PKP4: variants seen among roughly 807,000 people sequenced by gnomAD.
The protein encoded by PKP4 is plakophilin-4.
In PKP4, 90 loss-of-function variants were observed where a neutral mutation model predicts 145.1. The observed-to-expected ratio is 0.62, with a 90% confidence interval of 0.52 to 0.74. The LOEUF (loss-of-function observed/expected upper bound fraction) is 0.74, where lower values mean the gene tolerates loss of function less well. Ranked by LOEUF, PKP4 falls within the 30% of genes least tolerant of loss-of-function variation. The pLI is 0.00. For missense variants in PKP4, 1,340 were observed against 1,482.7 expected (o/e 0.90, Z 1.58); for synonymous variants, 563 against 577.2 (o/e 0.98, Z 0.35).
intron 2 of PKP4, among the ~76,000 whole-genome samples, chr2:158,541,391 T>C (rs1424127851): frequency 6.6e-6 from 1 of 152,134 alleles, no homozygotes; most frequent in Non-Finnish European, 1.5e-5. Flanking sequence ...CAGGCATTCC[T>C]AAGAAAGATC....
chr2:158,615,400 G>C (rs896182030), intron 4 of PKP4, among the ~76,000 whole-genome samples: 1 of 151,946 alleles, frequency 6.6e-6, no homozygotes, highest in African/African-American at 2.4e-5. Context: ...GGCAATTTAT[G>C]TCTTGTTCAT....
intron 3 of PKP4, among the ~76,000 whole-genome samples, chr2:158,602,116 T>C (rs979038569): frequency 6.6e-6 from 1 of 152,222 alleles, no homozygotes; most frequent in African/African-American, 2.4e-5. Flanking sequence ...CATTCATTTT[T>C]ATTTTTCTAG....
intron 7 of PKP4, among the ~76,000 whole-genome samples, chr2:158,626,875 G>A (rs2052849155): frequency 6.6e-6 from 1 of 152,106 alleles, no homozygotes; most frequent in African/African-American, 2.4e-5. Flanking sequence ...AGATAAGCTA[G>A]CACCTCGTAA....
At chr2:158,623,829 T>C (rs1401406804) in intron 6 of PKP4, among the ~76,000 whole-genome samples, 1 of 152,222 alleles carries the variant, frequency 6.6e-6, no homozygotes, top group Admixed American at 6.5e-5. Flanking sequence ...AGCCTGGTCC[T>C]AGTCTTCTAA....
intron 1 of PKP4, among the ~76,000 whole-genome samples, chr2:158,478,946 T>A (rs1004827450): frequency 5.3e-5 from 8 of 152,222 alleles, no homozygotes; most frequent in Non-Finnish European, 1.2e-4. Flanking sequence ...TGGAAAATCT[T>A]TGTTACAGTT....
intron 2 of PKP4, among the ~76,000 whole-genome samples, chr2:158,572,551 G>C (rs541402512): frequency 1.3e-5 from 2 of 152,274 alleles, no homozygotes; most frequent in South Asian, 2.1e-4. Context: ...TTTGAGGACA[G>C]CCTAAGGTGA....
At chr2:158,597,643 T>G (rs2049869823) in intron 3 of PKP4, among the ~76,000 whole-genome samples, 1 of 152,200 alleles carries the variant, frequency 6.6e-6, no homozygotes, top group African/African-American at 2.4e-5. Context: ...ACACCCATGC[T>G]CCATTCATAA....
At chr2:158,485,810 G>C (rs1456648966) in intron 1 of PKP4, among the ~76,000 whole-genome samples, 1 of 152,074 alleles carries the variant, frequency 6.6e-6, no homozygotes, top group Non-Finnish European at 1.5e-5. Context: ...TTTATCTCAA[G>C]TATAAGAATA....
At chr2:158,469,126 A>G (rs187417181) in intron 1 of PKP4, among the ~76,000 whole-genome samples, 5 of 149,000 alleles carry the variant, frequency 3.4e-5, no homozygotes, top group East Asian at 2.0e-4. Flanking sequence ...GTCTTGCTCT[A>G]TTGCCCAGGC....
intron 1 of PKP4, among the ~76,000 whole-genome samples, chr2:158,519,309 G>C (rs1215719157): frequency 1.3e-5 from 2 of 152,024 alleles, no homozygotes; most frequent in Non-Finnish European, 2.9e-5. Context: ...CCTACTTACA[G>C]TTTTCAGTTT....
rs142552736 is a variant in PKP4 at position 158,542,657 on chromosome 2, A to G, written c.132+9341A>G. Among the ~76,000 whole-genome samples, 103 of 152,308 alleles carry G rather than the reference A, an allele frequency of 6.8e-4. No homozygotes were observed. In the East Asian group the frequency reaches 0.018, roughly 27 times the overall value. On this transcript the variant is annotated intron_variant, in intron 2 of 21. Coordinates refer to ENST00000389759, the MANE Select transcript of PKP4 (RefSeq NM_003628.6). ...TTACTTTAAAACCAGTAGATCAGAA[A>G]TGCAAAGAATGGATCATCTCTGACA... is the stretch of plus-strand genomic sequence containing the variant.
In PKP4 at chr2:158,680,936, A is replaced by G. The variant is rs970240916; in HGVS notation, c.*259A>G. The stretch of plus-strand genomic sequence containing the variant: ...TGGTGAAGGTGTGGGTGACGTGATG[A>G]GAGGTTTGAGAAATGGGTGAAATGA... On this transcript the variant is annotated 3_prime_UTR_variant, in exon 22 of 22. Coordinates refer to ENST00000389759, the MANE Select transcript of PKP4 (RefSeq NM_003628.6). 5.5e-6 allele frequency: 2 copies of G among 361,306 alleles called. No homozygotes were observed. 22.4% of individuals were successfully genotyped at this position (361,306 alleles called of 1,614,324 possible). A position where few individuals can be genotyped will look rare whatever the true frequency, so the allele number is the denominator to read the frequency against.
intron 11 of PKP4, among the ~76,000 whole-genome samples, chr2:158,652,864 C>A (rs1021296086): frequency 6.6e-6 from 1 of 152,138 alleles, no homozygotes; most frequent in Non-Finnish European, 1.5e-5. Flanking sequence ...GTGCACAAGA[C>A]CTTAGCATCC....
rs114131802 is a variant in PKP4 at position 158,624,645 on chromosome 2, G to C, written c.604-233G>C. ...AAATGTCTTCAGATCTCTTTTTACAGGTTAATTTTAGCATTTGGTTTAAAC... is the reference window on the plus strand; with the variant it reads ...AAATGTCTTCAGATCTCTTTTTACACGTTAATTTTAGCATTTGGTTTAAAC... On this transcript the variant is annotated intron_variant, in intron 6 of 21. Transcript: ENST00000389759. 9.4e-3 allele frequency among the ~76,000 whole-genome samples: 1,413 copies of C among 150,006 alleles called. 23 individuals carry two copies. Among genetic ancestry groups the C allele is most frequent in the African/African-American group, 0.032 (1,316 of 40,692 alleles).
chr2:158,463,412 G>GA (rs137946075), intron 1 of PKP4, among the ~76,000 whole-genome samples: 2,542 of 113,256 alleles, frequency 0.022, 20 homozygotes, highest in South Asian at 0.049. Flanking sequence ...GATCACAGTT[G>GA]AAAAAAAAAA....
chr2:158,466,966 G>A (rs1357848215), intron 1 of PKP4, among the ~76,000 whole-genome samples: 1 of 152,158 alleles, frequency 6.6e-6, no homozygotes, highest in Non-Finnish European at 1.5e-5. Context: ...ATAATTTAAA[G>A]CACATGAAGT....
chr2:158,458,591 C>G (rs1689258384), intron 1 of PKP4, among the ~76,000 whole-genome samples: 1 of 152,186 alleles, frequency 6.6e-6, no homozygotes, highest in African/African-American at 2.4e-5. Flanking sequence ...GAGTAATGAG[C>G]TTGCAGCCAA....
chr2:158,593,498 G>T (rs1268783483), intron 3 of PKP4, among the ~76,000 whole-genome samples: 1 of 152,046 alleles, frequency 6.6e-6, no homozygotes, highest in African/African-American at 2.4e-5. Context: ...CGTCCTTTTT[G>T]ATCTTCCCTT....
intron 1 of PKP4, among the ~76,000 whole-genome samples, chr2:158,498,090 C>T (rs552640563): frequency 2.6e-4 from 39 of 152,304 alleles, no homozygotes; most frequent in Non-Finnish European, 5.1e-4. Flanking sequence ...GATGCCTGCA[C>T]TGAGGCAATG....
Sources: gnomAD v4.1 joint callset for allele counts (sites outside exome capture counted in the v4.1 genomes callset) on GRCh38, gnomAD v4.1.1 for gene constraint, MANE v1.5 for transcripts, NCBI Gene and HGNC (gene_info 2026-07-23, HGNC 2026-07-21) for gene names.